Variants in PKIG observed in about 807,000 individuals in gnomAD.
PKIG encodes the protein cAMP-dependent protein kinase inhibitor gamma, also known as protein kinase (cAMP-dependent, catalytic) inhibitor gamma.
A neutral mutation model predicts 6.8 loss-of-function variants in PKIG; 1 was observed. The observed-to-expected ratio is 0.15, with a 90% CI of 0.05 to 0.69. The LOEUF is 0.69. Ranked by LOEUF, PKIG falls within the 30% of genes least tolerant of loss-of-function variation. The pLI is 0.82. For missense variants in PKIG, 77 were observed against 104.0 expected, an observed-to-expected ratio of 0.74 and a Z score of 1.13; for synonymous variants, 39 against 43.0, an observed-to-expected ratio of 0.91 and a Z score of 0.36.
At chr20:44,586,911 A>G (rs564135593) in intron 1 of PKIG, among the ~76,000 whole-genome samples, 1 of 152,244 alleles carries the variant, frequency 6.6e-6, no homozygotes, top group South Asian at 2.1e-4. Flanking sequence ...ATTTCCAAAA[A>G]GAAGTCTCTT....
intron 1 of PKIG, among the ~76,000 whole-genome samples, chr20:44,544,925 C>CTTTTTTTTTTTTTTTTTTTTT (rs796482642): frequency 2.5e-4 from 16 of 64,382 alleles, no homozygotes; most frequent in Non-Finnish European, 3.1e-4. Context: ...TTCCTTCTTT[C>CTTTTTTTTTTTTTTTTTTTTT]TTTTTTTTTT....
chr20:44,539,759 G>T lies in PKIG; in HGVS notation c.-241+7781G>T, dbSNP rs551922663. ...TTCTTAAAACATTATGAGATTTTTT[G>T]TGTGTGTGATTTTTTTTCTTCTTCC... On this transcript the variant is annotated intron_variant, in intron 1 of 4. Coordinates refer to the PKIG transcript ENST00000372887. Among the ~76,000 whole-genome samples the T allele has an allele frequency of 3.4e-3, 508 of 149,508 alleles. 4 individuals are homozygous for T. The highest frequency in any genetic ancestry group is 5.9e-3 in the Non-Finnish European group (389 of 66,360).
intron 1 of PKIG, among the ~76,000 whole-genome samples, chr20:44,543,777 C>T (rs1282495050): frequency 2.6e-5 from 4 of 152,022 alleles, no homozygotes; most frequent in Non-Finnish European, 4.4e-5. Flanking sequence ...CTTGGCTGGG[C>T]GCGGTGGCTT....
chr20:44,561,351 A>G (rs373504568), intron 1 of PKIG, among the ~76,000 whole-genome samples: 116 of 152,282 alleles, frequency 7.6e-4, no homozygotes, highest in African/African-American at 2.6e-3. Flanking sequence ...AAAAAAAGTC[A>G]GTAAGTAGAC....
intron 1 of PKIG, chr20:44,564,451 C>T (rs769712869): frequency 6.6e-6 from 1 of 151,794 alleles, no homozygotes; most frequent in Non-Finnish European, 1.5e-5. Context: ...ATTTTGATCT[C>T]GTTTTTGTAC....
At chr20:44,595,222 C>T (rs1003941011) in intron 2 of PKIG, among the ~76,000 whole-genome samples, 3 of 152,294 alleles carry the variant, frequency 2.0e-5, no homozygotes, top group East Asian at 1.9e-4. Flanking sequence ...CACACACACG[C>T]AGAGAATATA....
At chr20:44,575,716 C>T (rs892704645) in intron 1 of PKIG, among the ~76,000 whole-genome samples, 1 of 152,176 alleles carries the variant, frequency 6.6e-6, no homozygotes, top group Admixed American at 6.5e-5. Flanking sequence ...AGCCCTCGAT[C>T]AATCCTAGGC....
intron 1 of PKIG, among the ~76,000 whole-genome samples, chr20:44,550,805 G>A (rs1454412113): frequency 6.6e-6 from 1 of 152,180 alleles, no homozygotes; most frequent in African/African-American, 2.4e-5. Context: ...AGAGTCAGTG[G>A]TCTTAACCTC....
At chr20:44,584,289 C>T (rs767583003) in intron 1 of PKIG, among the ~76,000 whole-genome samples, 8 of 152,090 alleles carry the variant, frequency 5.3e-5, no homozygotes, top group Non-Finnish European at 1.0e-4. Flanking sequence ...CACTATGCCC[C>T]ACTGCCTAGT....
intron 1 of PKIG, among the ~76,000 whole-genome samples, chr20:44,586,700 T>G (rs950671952): frequency 6.6e-6 from 1 of 152,178 alleles, no homozygotes; most frequent in Non-Finnish European, 1.5e-5. Flanking sequence ...AATCTAAAGT[T>G]CTGGGAAACA....
intron 1 of PKIG, among the ~76,000 whole-genome samples, chr20:44,539,542 C>T (rs2064542322): frequency 6.6e-6 from 1 of 152,022 alleles, no homozygotes; most frequent in African/African-American, 2.4e-5. Flanking sequence ...CCTCAGCCTC[C>T]TGAGTAGCTG....
In PKIG at chr20:44,533,214, G is replaced by A. The variant is rs141877939; in HGVS notation, c.-241+1236G>A. Among the ~76,000 whole-genome samples the A allele has an allele frequency of 1.6e-3, 246 of 152,202 alleles. 1 individual carries two copies. Among genetic ancestry groups the A allele is most frequent in the African/African-American group, 5.8e-3 (242 of 41,522 alleles). Reference sequence around the variant, plus strand: ...TGTGTGCGTGTATGTATTTATTGTTGAGATGAGGTCTCACTATGTTGCCCA... The same window carrying A: ...TGTGTGCGTGTATGTATTTATTGTTAAGATGAGGTCTCACTATGTTGCCCA... On this transcript the variant is annotated intron_variant, in intron 1 of 4. Transcript: ENST00000372887.
At chr20:44,597,262 C>T (rs2065083056) in intron 2 of PKIG, among the ~76,000 whole-genome samples, 1 of 148,782 alleles carries the variant, frequency 6.7e-6, no homozygotes, top group South Asian at 2.2e-4. Context: ...CCACCAGATC[C>T]CCCCACCTGG....
At chr20:44,567,063 T>C (rs1293953793) in intron 1 of PKIG, among the ~76,000 whole-genome samples, 1 of 152,174 alleles carries the variant, frequency 6.6e-6, no homozygotes, top group African/African-American at 2.4e-5. Flanking sequence ...AATAAGTGTC[T>C]GCTCCAGCTG....
chr20:44,568,608 G>A (rs1168793217), intron 1 of PKIG, among the ~76,000 whole-genome samples: 1 of 151,848 alleles, frequency 6.6e-6, no homozygotes, highest in Non-Finnish European at 1.5e-5. Flanking sequence ...CTGCCACCGC[G>A]CCTGGCTAAT....
chr20:44,543,089 A>C (rs542850870), intron 1 of PKIG, among the ~76,000 whole-genome samples: 1 of 152,308 alleles, frequency 6.6e-6, no homozygotes, highest in East Asian at 1.9e-4. Context: ...ATGAATTCAC[A>C]TCTTGGCCCA....
chr20:44,577,885 G>T (rs961875538), upstream of PKIG, among the ~76,000 whole-genome samples: 2 of 152,174 alleles, frequency 1.3e-5, no homozygotes, highest in Admixed American at 1.3e-4. Flanking sequence ...GCTGTTGGAT[G>T]TCATGTTGAA....
At chr20:44,546,009 A>T (rs1001548478) in intron 1 of PKIG, among the ~76,000 whole-genome samples, 1 of 152,154 alleles carries the variant, frequency 6.6e-6, no homozygotes, top group African/African-American at 2.4e-5. Context: ...GCACTTTGGG[A>T]GGCTGAGGCA....
intron 1 of PKIG, among the ~76,000 whole-genome samples, chr20:44,576,709 T>G (rs1433959534): frequency 1.3e-5 from 2 of 151,996 alleles, no homozygotes; most frequent in Non-Finnish European, 2.9e-5. Flanking sequence ...AATCAATGAG[T>G]CCAAGACTGT....
Sources: allele counts gnomAD v4.1 joint callset (sites outside exome capture counted in the v4.1 genomes callset), GRCh38; gene constraint gnomAD v4.1.1; transcripts MANE v1.5; gene names NCBI Gene and HGNC (gene_info 2026-07-23, HGNC 2026-07-21).